Variants in RFC3 observed in about 807,000 individuals in gnomAD.
The protein encoded by RFC3 is replication factor C subunit 3, also known as A1 38 kDa subunit.
A neutral mutation model predicts 45.1 loss-of-function variants in RFC3; 41 were observed. The ratio of observed to expected loss-of-function variants is 0.91; its 90% confidence interval spans 0.71 to 1.18. The LOEUF is 1.18. Among genes scored for constraint, RFC3 ranks in the 50% most tolerant of loss-of-function variants. The pLI is 0.00. For missense variants in RFC3, 423 were observed against 428.1 expected, an observed-to-expected ratio of 0.99 and a Z score of 0.10; for synonymous variants, 149 against 144.0, an observed-to-expected ratio of 1.03 and a Z score of -0.25.
chr13:33,972,934 C>T, the RFC3 span, among the ~76,000 whole-genome samples: 6 of 152,054 alleles, frequency 3.9e-5, no homozygotes, highest in Admixed American at 3.9e-4. Flanking sequence ...TGCAGAAGGG[C>T]ATAAGAATCG....
At chr13:33,882,169 T>G (rs548105127) in intron 8 of RFC3, among the ~76,000 whole-genome samples, 1 of 152,270 alleles carries the variant, frequency 6.6e-6, no homozygotes, top group South Asian at 2.1e-4. Flanking sequence ...TAGCATCTTA[T>G]GTAAACATAA....
intron 8 of RFC3, among the ~76,000 whole-genome samples, chr13:33,932,364 C>T (rs1186127123): frequency 6.6e-6 from 1 of 152,048 alleles, no homozygotes; most frequent in Non-Finnish European, 1.5e-5. Context: ...CTCTTTGTGA[C>T]TTTCATTGGA....
At position 33,886,937 on chromosome 13, in the gene RFC3, A is replaced by T. The variant is rs2082529105; in HGVS notation, c.879+51720A>T. ...ACTGAGAATGATGATTTCCAATTTC[A>T]TCCATGTCCCTACAAAGGACATGAA... On this transcript the variant is annotated intron_variant, in intron 8 of 8. Coordinates refer to the RFC3 transcript ENST00000434425. Among the ~76,000 whole-genome samples, 28 of 148,606 alleles carry T rather than the reference A, an allele frequency of 1.9e-4. No individual in the cohort carries two copies. The South Asian group carries it at 6.0e-3, about 32-fold the overall frequency.
chr13:33,868,643 A>C lies in RFC3; in HGVS notation c.879+33426A>C, dbSNP rs904059965. On this transcript the variant is annotated intron_variant, in intron 8 of 8. Transcript: ENST00000434425. Reference sequence around the variant, plus strand: ...ACTAAGTAACCAGTGGGAAACCTCTAAAGGATATTTAAACCCCAGAAAATT... The same window carrying C: ...ACTAAGTAACCAGTGGGAAACCTCTCAAGGATATTTAAACCCCAGAAAATT... 6.9e-4 allele frequency among the ~76,000 whole-genome samples: 105 copies of C among 152,298 alleles called. 1 individual carries two copies. Among genetic ancestry groups the C allele is most frequent in the African/African-American group, 2.4e-3 (100 of 41,574 alleles).
At chr13:33,924,667 A>G (rs1263583396) in intron 8 of RFC3, among the ~76,000 whole-genome samples, 2 of 147,812 alleles carry the variant, frequency 1.4e-5, no homozygotes, top group African/African-American at 2.5e-5. Flanking sequence ...GTGTGTATAT[A>G]TATATATTAT....
At chr13:33,886,247 T>A (rs1374101972) in intron 8 of RFC3, among the ~76,000 whole-genome samples, 1 of 152,052 alleles carries the variant, frequency 6.6e-6, no homozygotes, top group Non-Finnish European at 1.5e-5. Flanking sequence ...TTTTCTAGAT[T>A]TTAAGAAAAT....
intron 8 of RFC3, among the ~76,000 whole-genome samples, chr13:33,950,782 CTT>C (rs1464066747): frequency 6.6e-6 from 1 of 151,800 alleles, no homozygotes; most frequent in African/African-American, 2.4e-5. Flanking sequence ...CTCTCTCTCT[CTT>C]TGAACCTAAT....
chr13:33,899,948 A>C (rs983652006), intron 8 of RFC3, among the ~76,000 whole-genome samples: 3 of 151,986 alleles, frequency 2.0e-5, no homozygotes, highest in African/African-American at 7.2e-5. Flanking sequence ...AAGAATATAA[A>C]ACACCTAGGA....
chr13:33,873,200 G>T (rs796256809), intron 8 of RFC3, among the ~76,000 whole-genome samples: 30 of 152,304 alleles, frequency 2.0e-4, no homozygotes, highest in African/African-American at 6.7e-4. Context: ...TTTAGAGGGG[G>T]TTGTGGAGCC....
intron 7 of RFC3, among the ~76,000 whole-genome samples, chr13:33,833,379 A>G (rs1047919315): frequency 6.6e-6 from 1 of 151,994 alleles, no homozygotes; most frequent in Non-Finnish European, 1.5e-5. Flanking sequence ...TAAAAAAAAA[A>G]CCCTGACATT....
At chr13:33,844,118 C>A (rs1829528344) in intron 8 of RFC3, among the ~76,000 whole-genome samples, 1 of 152,130 alleles carries the variant, frequency 6.6e-6, no homozygotes, top group Non-Finnish European at 1.5e-5. Context: ...ATGATCTGGG[C>A]TTTAGAGATT....
chr13:33,926,944 T>TA lies in RFC3; in HGVS notation c.880-39139dup, dbSNP rs1290074946. Among the ~76,000 whole-genome samples the TA allele has an allele frequency of 1.1e-4, 16 of 151,580 alleles. 1 individual carries two copies. The highest frequency in any genetic ancestry group is 7.9e-4 in the Admixed American group (12 of 15,178). ...TTTGAGAATTTTGCATTTGAGCTGA[T>TA]AAAATGAGATACACCAGAAAAAAGT... On this transcript the variant is annotated intron_variant, in intron 8 of 8. Transcript: ENST00000434425.
chr13:33,839,654 C>T (rs987669737), downstream of RFC3, among the ~76,000 whole-genome samples: 1 of 152,198 alleles, frequency 6.6e-6, no homozygotes, highest in Non-Finnish European at 1.5e-5. Context: ...CACCCAATAT[C>T]TTCCTGTTTC....
chr13:33,930,691 C>T (rs2082846256), intron 8 of RFC3, among the ~76,000 whole-genome samples: 1 of 152,124 alleles, frequency 6.6e-6, no homozygotes, highest in Non-Finnish European at 1.5e-5. Context: ...TTAATCTCCT[C>T]TTCTGTGAAT....
chr13:33,976,914 C>T, the RFC3 span, among the ~76,000 whole-genome samples: 1 of 152,110 alleles, frequency 6.6e-6, no homozygotes, highest in African/African-American at 2.4e-5. Context: ...AGAAACCTGA[C>T]AAACACTACC....
intron 4 of RFC3, among the ~76,000 whole-genome samples, chr13:33,828,930 C>A (rs1481458825): frequency 6.6e-6 from 1 of 152,134 alleles, no homozygotes; most frequent in Non-Finnish European, 1.5e-5. Context: ...TCAAAATCTT[C>A]CTCCCACACC....
chr13:33,833,012 G>A (rs2082118348), intron 7 of RFC3, among the ~76,000 whole-genome samples: 1 of 152,166 alleles, frequency 6.6e-6, no homozygotes, highest in Admixed American at 6.5e-5. Flanking sequence ...ACTTGTGCAG[G>A]AAGCGGTGCT....
intron 8 of RFC3, among the ~76,000 whole-genome samples, chr13:33,866,973 A>G (rs2082377656): frequency 1.3e-5 from 2 of 152,216 alleles, no homozygotes; most frequent in African/African-American, 4.8e-5. Flanking sequence ...CATATTCTAT[A>G]CAATTGGAAT....
At chr13:33,872,736 T>TAACA (rs200731406) in intron 8 of RFC3, among the ~76,000 whole-genome samples, 1,546 of 125,958 alleles carry the variant, frequency 0.012, 34 homozygotes, top group African/African-American at 0.044. Context: ...TACCTCTCAA[T>TAACA]AACAAACAAA....
Sources: allele counts gnomAD v4.1 joint callset (sites outside exome capture counted in the v4.1 genomes callset), GRCh38; gene constraint gnomAD v4.1.1; transcripts MANE v1.5; gene names NCBI Gene and HGNC (gene_info 2026-07-23, HGNC 2026-07-21).